Variants in EVI5 observed in about 807,000 individuals in gnomAD.
EVI5 encodes ecotropic viral integration site 5.
In EVI5, 73 loss-of-function variants were observed where a neutral mutation model predicts 112.0. The ratio of observed to expected loss-of-function variants is 0.65; its 90% CI spans 0.54 to 0.79. The LOEUF (loss-of-function observed/expected upper bound fraction) is 0.79. Ranked by LOEUF, EVI5 falls within the 30% of genes least tolerant of loss-of-function variation. The probability of loss-of-function intolerance (pLI) is 0.00; values close to 1 mark genes in which losing one functional copy is unlikely to be tolerated. For synonymous variants in EVI5, 305 were observed against 319.9 expected (o/e 0.95, Z 0.50); for missense variants, 900 against 968.8 (o/e 0.93, Z 0.94).
At chr1:92,778,222 C>A (rs1271746776) in intron 1 of EVI5, among the ~76,000 whole-genome samples, 1 of 152,030 alleles carries the variant, frequency 6.6e-6, no homozygotes, top group Admixed American at 6.6e-5. Flanking sequence ...TGGCCAAATT[C>A]TAAGCCAGCA....
intron 15 of EVI5, 161 bp downstream of exon 15, chr1:92,625,633 G>A (rs755129351): frequency 1.8e-6 from 1 of 554,570 alleles, no homozygotes; most frequent in Non-Finnish European, 3.3e-6. Context: ...AACAGCTTAA[G>A]TGCACTTTCA....
intron 14 of EVI5, among the ~76,000 whole-genome samples, chr1:92,630,767 G>A (rs917611711): frequency 6.6e-6 from 1 of 152,194 alleles, no homozygotes; most frequent in African/African-American, 2.4e-5. Flanking sequence ...AAATGATACT[G>A]CCTAGGTTTT....
chr1:92,686,833 A>T (rs1210801760), intron 9 of EVI5, among the ~76,000 whole-genome samples: 2 of 152,228 alleles, frequency 1.3e-5, no homozygotes, highest in African/African-American at 4.8e-5. Context: ...ACAACTTACA[A>T]GGGATGTGAA....
At chr1:92,723,977 C>A (rs1355019477) in intron 2 of EVI5, among the ~76,000 whole-genome samples, 1 of 152,146 alleles carries the variant, frequency 6.6e-6, no homozygotes, top group African/African-American at 2.4e-5. Context: ...GAAATTCCAG[C>A]CTGTTAAATT....
intron 13 of EVI5, among the ~76,000 whole-genome samples, chr1:92,643,239 C>T (rs1318716744): frequency 3.4e-5 from 5 of 148,810 alleles, no homozygotes; most frequent in Admixed American, 3.3e-4. Context: ...TACTTATTTA[C>T]TTAATTTATT....
chr1:92,517,891 T>TC (rs1660191761), intron 19 of EVI5, among the ~76,000 whole-genome samples: 1 of 148,414 alleles, frequency 6.7e-6, no homozygotes, highest in East Asian at 1.9e-4. Flanking sequence ...TATGCTTTTT[T>TC]TTTTTTTTTT....
chr1:92,543,094 A>G (rs997744332), intron 19 of EVI5, among the ~76,000 whole-genome samples: 7 of 152,206 alleles, frequency 4.6e-5, no homozygotes, highest in Non-Finnish European at 8.8e-5. Flanking sequence ...TGAAGCTTTG[A>G]AGCCAGATAT....
intron 16 of EVI5, among the ~76,000 whole-genome samples, chr1:92,611,122 TCC>T (rs775948696): frequency 0.74 from 103,995 of 140,038 alleles, 37,130 homozygotes; most frequent in East Asian, 0.94. Flanking sequence ...AAAAAATAAA[TCC>T]CCCCAAAAAA....
intron 1 of EVI5, among the ~76,000 whole-genome samples, chr1:92,761,212 A>G (rs1425548710): frequency 6.6e-6 from 1 of 152,172 alleles, no homozygotes; most frequent in Non-Finnish European, 1.5e-5. Context: ...TATAGAAACC[A>G]TACACTAGGG....
At chr1:92,776,375 T>G (rs1357753207) in intron 1 of EVI5, among the ~76,000 whole-genome samples, 1 of 152,112 alleles carries the variant, frequency 6.6e-6, no homozygotes, top group Non-Finnish European at 1.5e-5. Context: ...TGACTTAGTG[T>G]TTTAAAGAAA....
chr1:92,724,819 A>AAG (rs996416051), intron 2 of EVI5, among the ~76,000 whole-genome samples: 2 of 151,956 alleles, frequency 1.3e-5, no homozygotes, highest in African/African-American at 4.8e-5. Flanking sequence ...AAAAAAAATA[A>AAG]ATATATATAT....
At chr1:92,769,128 T>G (rs979554849) in intron 1 of EVI5, among the ~76,000 whole-genome samples, 3 of 152,194 alleles carry the variant, frequency 2.0e-5, no homozygotes, top group Non-Finnish European at 2.9e-5. Context: ...GTCCTTATCT[T>G]AACTTGATCT....
At chr1:92,562,878 A>G (rs1472576839) in intron 19 of EVI5, among the ~76,000 whole-genome samples, 1 of 152,202 alleles carries the variant, frequency 6.6e-6, no homozygotes, top group East Asian at 1.9e-4. Context: ...TTTTTAAACA[A>G]ATAAAGGTTA....
intron 18 of EVI5, among the ~76,000 whole-genome samples, chr1:92,591,228 A>C (rs925970033): frequency 6.6e-5 from 10 of 152,234 alleles, no homozygotes; most frequent in Non-Finnish European, 1.3e-4. Flanking sequence ...TAACCAGCTA[A>C]CATCATAATG....
chr1:92,651,595 T>C (rs1662097816), intron 13 of EVI5, among the ~76,000 whole-genome samples: 2 of 152,058 alleles, frequency 1.3e-5, no homozygotes, highest in South Asian at 4.1e-4. Flanking sequence ...CTCACGCCTG[T>C]AATCCCAGCA....
At chr1:92,779,297 CG>C (rs768000825) in intron 1 of EVI5, among the ~76,000 whole-genome samples, 2 of 152,092 alleles carry the variant, frequency 1.3e-5, no homozygotes, top group Non-Finnish European at 2.9e-5. Context: ...CCAAGGTGGA[CG>C]GATCACCTGA....
chr1:92,672,565 A>C (rs1418443010), intron 10 of EVI5, among the ~76,000 whole-genome samples: 5 of 152,124 alleles, frequency 3.3e-5, no homozygotes, highest in Non-Finnish European at 7.4e-5. Flanking sequence ...TCTCCTTAAG[A>C]CTTTACCACC....
At chr1:92,771,842 G>T (rs781082219) in intron 1 of EVI5, among the ~76,000 whole-genome samples, 32 of 150,082 alleles carry the variant, frequency 2.1e-4, no homozygotes, top group Non-Finnish European at 3.6e-4. Flanking sequence ...ATACCCCACT[G>T]TACTAGAATA....
chr1:92,680,285 A>C (rs981939469), intron 9 of EVI5, among the ~76,000 whole-genome samples: 2 of 152,208 alleles, frequency 1.3e-5, no homozygotes, highest in Non-Finnish European at 2.9e-5. Flanking sequence ...TTGAACCTGG[A>C]ATATTTTGTT....
Sources: gnomAD v4.1 joint callset for allele counts (sites outside exome capture counted in the v4.1 genomes callset) on GRCh38, gnomAD v4.1.1 for gene constraint, MANE v1.5 for transcripts, NCBI Gene and HGNC (gene_info 2026-07-23, HGNC 2026-07-21) for gene names.